Variants in TMEFF2 observed in about 807,000 individuals in gnomAD.
TMEFF2 encodes the protein transmembrane protein with EGF like and two follistatin like domains 2.
A neutral mutation model predicts 53.8 loss-of-function variants in TMEFF2; 28 were observed. The observed-to-expected ratio is 0.52, with a 90% confidence interval of 0.39 to 0.71. The LOEUF is 0.71. Among genes scored for constraint, TMEFF2 ranks in the 30% least tolerant of loss-of-function variants. The pLI, the probability that TMEFF2 is intolerant of heterozygous loss-of-function variation, is 0.00. For missense variants in TMEFF2, 353 were observed against 455.2 expected (o/e 0.78, Z 2.04); for synonymous variants, 162 against 166.3 (o/e 0.97, Z 0.20).
chr2:192,069,988 G>GTGTATATATA (rs1340532324), intron 4 of TMEFF2, among the ~76,000 whole-genome samples: 4 of 118,866 alleles, frequency 3.4e-5, no homozygotes, highest in Non-Finnish European at 5.4e-5. Flanking sequence ...GTGTGTGTGT[G>GTGTATATATA]TATATATATA....
intron 4 of TMEFF2, among the ~76,000 whole-genome samples, chr2:192,110,520 C>T (rs533610907): frequency 3.3e-4 from 51 of 152,262 alleles, no homozygotes; most frequent in Non-Finnish European, 2.9e-5. Context: ...AAATATCTCT[C>T]TTCCCTTCCA....
intron 5 of TMEFF2, among the ~76,000 whole-genome samples, chr2:192,039,083 T>C (rs1687409731): frequency 6.6e-6 from 1 of 152,152 alleles, no homozygotes; most frequent in African/African-American, 2.4e-5. Flanking sequence ...TAGAAGACTT[T>C]AATTTGAAAT....
chr2:192,086,968 AT>A (rs1559120344), intron 4 of TMEFF2, among the ~76,000 whole-genome samples: 4 of 151,838 alleles, frequency 2.6e-5, no homozygotes, highest in Non-Finnish European at 5.9e-5. Flanking sequence ...ACATTAAAAA[AT>A]TTCACCTCAG....
intron 7 of TMEFF2, among the ~76,000 whole-genome samples, chr2:191,988,814 T>C (rs1686038683): frequency 6.6e-6 from 1 of 152,150 alleles, no homozygotes; most frequent in Non-Finnish European, 1.5e-5. Flanking sequence ...TTTGTTTTTT[T>C]GAAAATCATG....
At chr2:192,075,431 A>G (rs1280396699) in intron 4 of TMEFF2, among the ~76,000 whole-genome samples, 2 of 149,950 alleles carry the variant, frequency 1.3e-5, no homozygotes, top group African/African-American at 4.9e-5. Flanking sequence ...AACAAAGACA[A>G]CATGGGACCC....
Position 192,058,831 on chromosome 2 carries a change from G to T in TMEFF2, c.440-1056C>A, listed in dbSNP as rs554773886. Among the ~76,000 whole-genome samples, 3 of 152,188 alleles carry T rather than the reference G, an allele frequency of 2.0e-5. No homozygotes were observed. In the South Asian group the frequency reaches 6.2e-4, roughly 32 times the overall value. On this transcript the variant is annotated intron_variant, in intron 4 of 9. Transcript: ENST00000272771. The stretch of plus-strand genomic sequence containing the variant: ...CAAAAGAACATTTTCAACAGAAAAA[G>T]AACATAAGCAATTAATCCCAGCATT...
intron 4 of TMEFF2, among the ~76,000 whole-genome samples, chr2:192,123,400 AG>A (rs1282725043): frequency 2.6e-5 from 4 of 152,194 alleles, no homozygotes; most frequent in African/African-American, 9.7e-5. Context: ...ATTAAAACTG[AG>A]TGAACCATGG....
At chr2:192,117,728 A>G (rs550613712) in intron 4 of TMEFF2, among the ~76,000 whole-genome samples, 77 of 152,126 alleles carry the variant, frequency 5.1e-4, no homozygotes, top group Non-Finnish European at 3.5e-4. Context: ...CTCACAACCA[A>G]TCAGACTGGT....
At chr2:192,037,222 C>G (rs1432296198) in intron 5 of TMEFF2, 1 of 145,210 alleles carries the variant, frequency 6.9e-6, no homozygotes, top group East Asian at 2.1e-4. Context: ...AATGTTCTGG[C>G]CAGTGGGATG....
chr2:192,096,597 ATATTT>A (rs1156672461), intron 4 of TMEFF2, among the ~76,000 whole-genome samples: 1 of 147,592 alleles, frequency 6.8e-6, no homozygotes, highest in Non-Finnish European at 1.5e-5. Context: ...ACACCAATAT[ATATTT>A]TATGTCCATT....
At chr2:192,094,172 T>C (rs1457332049) in intron 4 of TMEFF2, among the ~76,000 whole-genome samples, 1 of 152,222 alleles carries the variant, frequency 6.6e-6, no homozygotes, top group Non-Finnish European at 1.5e-5. Context: ...AATGTTGAGA[T>C]ACTTCATTCT....
chr2:192,170,623 A>G (rs1690886075), intron 4 of TMEFF2, among the ~76,000 whole-genome samples: 1 of 152,076 alleles, frequency 6.6e-6, no homozygotes, highest in Non-Finnish European at 1.5e-5. Flanking sequence ...TTTATAGGAA[A>G]TATTATTTAA....
intron 4 of TMEFF2, among the ~76,000 whole-genome samples, chr2:192,112,372 A>C (rs1334040215): frequency 2.6e-5 from 4 of 152,114 alleles, no homozygotes; most frequent in African/African-American, 7.2e-5. Flanking sequence ...TTAAGATTTT[A>C]CTGCCCCACT....
At chr2:192,156,841 A>C (rs1297583289) in intron 4 of TMEFF2, among the ~76,000 whole-genome samples, 1 of 152,052 alleles carries the variant, frequency 6.6e-6, no homozygotes, top group Non-Finnish European at 1.5e-5. Context: ...GACCACGCAG[A>C]AGGATCACTG....
chr2:192,030,337 T>A (rs1687097476), intron 5 of TMEFF2: 1 of 152,128 alleles, frequency 6.6e-6, no homozygotes, highest in Admixed American at 6.5e-5. Context: ...TAAGCACACA[T>A]ATGTGACACA....
intron 5 of TMEFF2, among the ~76,000 whole-genome samples, chr2:192,041,904 T>C (rs1172285113): frequency 6.6e-6 from 1 of 152,104 alleles, no homozygotes; most frequent in Non-Finnish European, 1.5e-5. Context: ...ACAATTACAG[T>C]AGTAACATTA....
Position 192,023,315 on chromosome 2 carries a change from G to T in TMEFF2, c.537-24107C>A, listed in dbSNP as rs146220988. 2.6e-3 allele frequency among the ~76,000 whole-genome samples: 398 copies of T among 152,058 alleles called. 2 individuals carry two copies. Among genetic ancestry groups the T allele is most frequent in the African/African-American group, 9.3e-3 (387 of 41,464 alleles). ...TCTGCCTATATTCTCTACCTCTTCT[G>T]CCTGTAGCATTTTTTTCTTGTGGGA... On this transcript the variant is annotated intron_variant, in intron 5 of 9. Transcript: ENST00000272771.
chr2:192,064,801 A>C (rs1159730006), intron 4 of TMEFF2, among the ~76,000 whole-genome samples: 4 of 151,844 alleles, frequency 2.6e-5, no homozygotes, highest in Non-Finnish European at 5.9e-5. Flanking sequence ...TTCTGTACAA[A>C]AAAGACACAT....
chr2:192,080,973 ATTT>A (rs1688538680), intron 4 of TMEFF2, among the ~76,000 whole-genome samples: 3 of 152,314 alleles, frequency 2.0e-5, no homozygotes, highest in African/African-American at 7.2e-5. Context: ...TGAATAAAGT[ATTT>A]TTTAAAATTA....
Sources: gnomAD v4.1 joint callset for allele counts (sites outside exome capture counted in the v4.1 genomes callset) on GRCh38, gnomAD v4.1.1 for gene constraint, MANE v1.5 for transcripts, NCBI Gene and HGNC (gene_info 2026-07-23, HGNC 2026-07-21) for gene names.